Variants in CMTM4 observed in about 807,000 individuals in gnomAD.
CMTM4 encodes the protein CKLF like MARVEL transmembrane domain containing 4.
Under a neutral mutation model 19.0 loss-of-function variants are expected in CMTM4, and 8 were observed. That is an observed-to-expected ratio of 0.42 (90% CI 0.25 to 0.76). The LOEUF (loss-of-function observed/expected upper bound fraction) is 0.76, where lower values mean the gene tolerates loss of function less well. CMTM4 is among the 30% of genes least tolerant of loss of function. The pLI is 0.27. For synonymous variants in CMTM4, 106 were observed against 121.1 expected (o/e 0.88, Z 0.82); for missense variants, 228 against 290.2 (o/e 0.79, Z 1.56).
At chr16:66,600,895 G>A in the CMTM4 span, among the ~76,000 whole-genome samples, 1 of 152,310 alleles carries the variant, frequency 6.6e-6, no homozygotes, top group Non-Finnish European at 1.5e-5. Flanking sequence ...GAGTTAATTA[G>A]AGAAGAAGGT....
chr16:66,622,297 A>G lies in CMTM4; in HGVS notation c.463-75T>C. 1 of 1,516,430 alleles carries G rather than the reference A, an allele frequency of 6.6e-7. No homozygotes were observed. The allele number at this position is 1,516,430 out of a possible 1,614,324, so 93.9% of individuals were successfully genotyped here. On this transcript the variant is annotated intron_variant, in intron 3 of 3. Transcript: ENST00000394106. This position sits in a 1 kb window ranked among gnomAD's most constrained non-coding sequence, Gnocchi z 4.0. ...CAAGGCTTCTGTGGTGACCCAAGCC[A>G]CATGCAGCCCCTTCCTGCTCTGCCA...
At chr16:66,650,914 C>T (rs1353929887) in intron 1 of CMTM4, among the ~76,000 whole-genome samples, 1 of 152,086 alleles carries the variant, frequency 6.6e-6, no homozygotes, top group African/African-American at 2.4e-5. Flanking sequence ...TGACCACACG[C>T]GCACACACAG....
the CMTM4 span, chr16:66,609,230 G>A: frequency 2.2e-5 from 13 of 587,782 alleles, no homozygotes; most frequent in African/African-American, 2.0e-4. The surrounding 1 kb of genome is among the most constrained non-coding windows in gnomAD (Gnocchi z 4.4). Flanking sequence ...CGCTGGACCC[G>A]GGATAGGGCA....
In CMTM4 at chr16:66,696,305, G is replaced by A. The variant is rs2017234339; in HGVS notation, c.186+35C>T. ...GGGGAGGGAGGCGTGCGGCTAGGCC[G>A]CCCTCGGGCACCTGGGGCCCCGCCC... is the stretch of plus-strand genomic sequence containing the variant. On this transcript the variant is annotated intron_variant, in intron 1 of 3. Transcript: ENST00000394106. The surrounding 1 kb of genome is among the most constrained non-coding windows in gnomAD (Gnocchi z 4.3). 5 of 1,286,406 alleles carry A rather than the reference G, an allele frequency of 3.9e-6. No individual in the cohort carries two copies. The highest frequency in any genetic ancestry group is 3.3e-5 in the East Asian group (1 of 30,116). 79.7% of individuals were successfully genotyped at this position (1,286,406 alleles called of 1,614,324 possible).
At chr16:66,685,318 C>T (rs532068161) in intron 1 of CMTM4, among the ~76,000 whole-genome samples, 1 of 151,990 alleles carries the variant, frequency 6.6e-6, no homozygotes, top group East Asian at 1.9e-4. Context: ...AACAAGGATG[C>T]GAGAGTCAGT....
chr16:66,628,836 C>T (rs2015795556), intron 2 of CMTM4, among the ~76,000 whole-genome samples: 1 of 152,124 alleles, frequency 6.6e-6, no homozygotes, highest in Admixed American at 6.6e-5. Flanking sequence ...TGTATAGATA[C>T]ACCACGTTAT....
intron 1 of CMTM4, among the ~76,000 whole-genome samples, chr16:66,679,192 GA>G (rs2016863188): frequency 6.6e-6 from 1 of 151,674 alleles, no homozygotes; most frequent in African/African-American, 2.4e-5. Flanking sequence ...AAGAAGTAAA[GA>G]AAAAAATTCT....
chr16:66,683,139 A>ACATG, intron 1 of CMTM4, among the ~76,000 whole-genome samples: 1 of 130,052 alleles, frequency 7.7e-6, no homozygotes, highest in South Asian at 2.5e-4. Flanking sequence ...GTATATATAT[A>ACATG]TATATATGTA....
chr16:66,641,775 C>A (rs1306484521), intron 1 of CMTM4, among the ~76,000 whole-genome samples: 3 of 152,154 alleles, frequency 2.0e-5, no homozygotes, highest in Non-Finnish European at 2.9e-5. Flanking sequence ...AAGGGCTCTA[C>A]AAATGACAAA....
intron 1 of CMTM4, among the ~76,000 whole-genome samples, chr16:66,667,964 CCT>C (rs970276072): frequency 1.3e-5 from 2 of 149,514 alleles, no homozygotes; most frequent in African/African-American, 4.9e-5. Flanking sequence ...AAAACTTTTC[CCT>C]GTTTTTTTGT....
In CMTM4 at chr16:66,617,357, A is replaced by T; in HGVS notation, c.*4701T>A. ...ACTGTTACGTTTGTGGAGTAGGAAA[A>T]ACTAGAAAGGAAAAAAAAATCCCAA... On this transcript the variant is annotated 3_prime_UTR_variant, in exon 4 of 4. Coordinates refer to ENST00000394106, the MANE Select transcript of CMTM4 (RefSeq NM_181521.3). 1.2e-6 allele frequency: 2 copies of T among 1,613,390 alleles called. No homozygotes were observed. Among genetic ancestry groups the T allele is most frequent in the East Asian group, 4.5e-5 (2 of 44,868 alleles).
chr16:66,653,151 G>A (rs943257114), intron 1 of CMTM4, among the ~76,000 whole-genome samples: 1 of 151,996 alleles, frequency 6.6e-6, no homozygotes, highest in African/African-American at 2.4e-5. Context: ...TCCTCTTCCT[G>A]CTTTACTTCC....
At chr16:66,687,138 C>CTTT (rs35098269) in intron 1 of CMTM4, among the ~76,000 whole-genome samples, 8 of 131,296 alleles carry the variant, frequency 6.1e-5, no homozygotes, top group Non-Finnish European at 8.1e-5. Flanking sequence ...GTGCAGAATG[C>CTTT]TTTTTTTTTT....
chr16:66,667,035 A>G (rs1189242297), intron 1 of CMTM4, among the ~76,000 whole-genome samples: 1 of 152,196 alleles, frequency 6.6e-6, no homozygotes, highest in African/African-American at 2.4e-5. Flanking sequence ...ATCTAAAATA[A>G]AAGTTGGGGC....
Position 66,621,171 on chromosome 16 carries a change from C to T in CMTM4, c.*887G>A, listed in dbSNP as rs144525087. 1.1e-4 allele frequency: 106 copies of T among 985,656 alleles called. No homozygotes were observed. The African/African-American group carries it at 1.5e-3, about 14-fold the overall frequency. 61.1% of individuals were successfully genotyped at this position (985,656 alleles called of 1,614,324 possible). A position where few individuals can be genotyped will look rare whatever the true frequency, so the allele number is the denominator to read the frequency against. On this transcript the variant is annotated 3_prime_UTR_variant, in exon 4 of 4. Transcript: ENST00000394106. ...GTGTGTGTGTGCATGTGTGCGCGCA[C>T]GCGTGTGCATGCTGTTTTTTAACAC...
rs1010649209 is a variant in CMTM4 at position 66,620,936 on chromosome 16, T to C, written c.*1122A>G. 6 of 985,734 alleles carry C rather than the reference T, an allele frequency of 6.1e-6. No individual in the cohort carries two copies. Among genetic ancestry groups the C allele is most frequent in the African/African-American group, 1.7e-5 (1 of 57,228 alleles). The allele number at this position is 985,734 out of a possible 1,614,324, so 61.1% of individuals were successfully genotyped here. ...AATCAGAAACCTTAAGTAGCTAGGA[T>C]TTTTCCCCCCAACAACTCCCAAGAA... On this transcript the variant is annotated 3_prime_UTR_variant, in exon 4 of 4. Coordinates refer to ENST00000394106, the MANE Select transcript of CMTM4 (RefSeq NM_181521.3).
In CMTM4 at chr16:66,696,456, T is replaced by C; in HGVS notation, c.70A>G (p.Ser24Gly). 1.5e-6 allele frequency: 2 copies of C among 1,340,548 alleles called. No individual in the cohort carries two copies. The highest frequency in any genetic ancestry group is 9.6e-7 in the Non-Finnish European group (1 of 1,045,576). The allele number at this position is 1,340,548 out of a possible 1,614,324, so 83.0% of individuals were successfully genotyped here. A position where few individuals can be genotyped will look rare whatever the true frequency, so the allele number is the denominator to read the frequency against. Residue 24 changes from serine (S) to glycine (G), a missense_variant, in exon 1 of 4, where the codon AGC becomes GGC. By Grantham distance (56) the Ser-to-Gly change is moderately conservative. Around this residue, in one of 3 missense-constraint regions of CMTM4, gnomAD observed 21 missense variants for 43.1 expected, o/e 0.49. Coordinates refer to ENST00000394106, the MANE Select transcript of CMTM4 (RefSeq NM_181521.3). The surrounding 1 kb of genome is among the most constrained non-coding windows in gnomAD (Gnocchi z 4.3). ...TCGGTGGTGGGCTGGTACGGGCTGC[T>C]GGCGCCCGAGATCATGGAGGTGCTC... ...ASSTSMISGA[S>G]SPYQPTTEPV...
chr16:66,602,830 G>A, the CMTM4 span, among the ~76,000 whole-genome samples: 1 of 151,816 alleles, frequency 6.6e-6, no homozygotes, highest in African/African-American at 2.4e-5. Context: ...TATAGGCATG[G>A]GCCACTGCAC....
chr16:66,630,814 A>C (rs980066672), intron 2 of CMTM4, among the ~76,000 whole-genome samples: 2 of 150,874 alleles, frequency 1.3e-5, no homozygotes, highest in Non-Finnish European at 3.0e-5. Context: ...GAAAGTGAGG[A>C]GCATCTCTGC....
Sources: allele counts gnomAD v4.1 joint callset (sites outside exome capture counted in the v4.1 genomes callset), GRCh38; gene constraint gnomAD v4.1.1; regional missense constraint gnomAD v4.1.1; non-coding constraint Gnocchi (gnomAD v3.1); transcripts MANE v1.5; gene names NCBI Gene and HGNC (gene_info 2026-07-23, HGNC 2026-07-21).